PRRX1: variants seen among roughly 807,000 people sequenced by gnomAD.
PRRX1 encodes the protein paired mesoderm homeobox protein 1.
PRRX1 carries 8 observed loss-of-function variants against 24.0 expected under a neutral mutation model. The ratio of observed to expected loss-of-function variants is 0.33; its 90% CI spans 0.20 to 0.60. PRRX1 has a LOEUF of 0.60. PRRX1 is among the 20% of genes least tolerant of loss of function. PRRX1 has a pLI of 0.82. For missense variants in PRRX1, 281 were observed against 322.4 expected, an observed-to-expected ratio of 0.87 and a Z score of 0.98; for synonymous variants, 160 against 131.7, an observed-to-expected ratio of 1.22 and a Z score of -1.47.
chr1:170,666,301 C>A (rs1215279500), intron 1 of PRRX1, among the ~76,000 whole-genome samples: 1 of 150,782 alleles, frequency 6.6e-6, no homozygotes, highest in African/African-American at 2.4e-5. Flanking sequence ...GCCTGTAATC[C>A]CGGTTACTCA....
Position 170,736,433 on chromosome 1 carries a change from T to A in PRRX1, c.*247T>A, listed in dbSNP as rs1412219153. 1.8e-6 allele frequency: 1 copy of A among 544,526 alleles called. No individual in the cohort carries two copies. 33.7% of individuals were successfully genotyped at this position (544,526 alleles called of 1,614,324 possible). On this transcript the variant is annotated 3_prime_UTR_variant, in exon 4 of 4. Coordinates refer to ENST00000239461, the MANE Select transcript of PRRX1 (RefSeq NM_022716.4). ...GTTTCTGTGTGTGTTTATTTTGTTT[T>A]TCTTTCATTCATGCTTTGCTTAATG... is the stretch of plus-strand genomic sequence containing the variant.
intron 3 of PRRX1, 66 bp from the exon 4 acceptor site, chr1:170,735,982 C>A (rs1034296443): frequency 3.1e-6 from 5 of 1,599,398 alleles, no homozygotes; most frequent in Non-Finnish European, 4.3e-6. Context: ...CCATCTGGGG[C>A]ACAGACTTGC....
intron 1 of PRRX1, chr1:170,669,359 A>AT (rs540864913): frequency 2.3e-3 from 329 of 145,132 alleles, no homozygotes; most frequent in African/African-American, 8.1e-3. Flanking sequence ...GTCATTTTAG[A>AT]TTTTACAACA....
intron 1 of PRRX1, among the ~76,000 whole-genome samples, chr1:170,675,660 C>T (rs547621768): frequency 3.3e-5 from 5 of 152,070 alleles, no homozygotes; most frequent in Non-Finnish European, 5.9e-5. Context: ...TGAGCATCTA[C>T]AGCATTTCAG....
chr1:170,719,697 C>T (rs1655019014), intron 1 of PRRX1, 29 bp from the exon 2 acceptor site: 1 of 1,612,678 alleles, frequency 6.2e-7, no homozygotes, highest in Non-Finnish European at 8.5e-7. Flanking sequence ...GTGAATTTGG[C>T]TTCTTTTCAT....
chr1:170,706,390 A>G (rs1398386660), intron 1 of PRRX1, among the ~76,000 whole-genome samples: 1 of 152,206 alleles, frequency 6.6e-6, no homozygotes, highest in East Asian at 1.9e-4. Context: ...AGGAGTTTGT[A>G]ATTTAAAATT....
rs375991544 is a variant in PRRX1 at position 170,694,319 on chromosome 1, C to T, written c.242-25407C>T. 5.3e-5 allele frequency among the ~76,000 whole-genome samples: 8 copies of T among 152,178 alleles called. No individual in the cohort carries two copies. In the South Asian group the frequency reaches 6.2e-4, roughly 12 times the overall value. On this transcript the variant is annotated intron_variant, in intron 1 of 3. Transcript: ENST00000239461. The stretch of plus-strand genomic sequence containing the variant: ...ATCAAACCAAACCTATTCTGGGAGC[C>T]GAAATTCCTTCTCCAGTATTCCTGG...
chr1:170,703,878 C>A (rs1293537718), intron 1 of PRRX1, among the ~76,000 whole-genome samples: 1 of 152,080 alleles, frequency 6.6e-6, no homozygotes, highest in Non-Finnish European at 1.5e-5. Context: ...ACATAGAAAA[C>A]AAAGAAGACA....
intron 1 of PRRX1, among the ~76,000 whole-genome samples, chr1:170,716,509 A>G (rs1654912264): frequency 6.6e-6 from 1 of 151,656 alleles, no homozygotes; most frequent in African/African-American, 2.4e-5. Flanking sequence ...GTGTGAACCC[A>G]GGAGGCGGAG....
At chr1:170,670,591 C>G (rs556983444) in intron 1 of PRRX1, among the ~76,000 whole-genome samples, 1 of 152,098 alleles carries the variant, frequency 6.6e-6, no homozygotes, top group African/African-American at 2.4e-5. Context: ...AATGCGGCAG[C>G]CTCAGGGAAG....
chr1:170,665,603 T>C (rs966438528), intron 1 of PRRX1, among the ~76,000 whole-genome samples: 1 of 152,256 alleles, frequency 6.6e-6, no homozygotes, highest in Non-Finnish European at 1.5e-5. Context: ...CAGCATTCTA[T>C]GATTTTCACA....
At chr1:170,680,677 A>G (rs1276048953) in intron 1 of PRRX1, among the ~76,000 whole-genome samples, 2 of 152,232 alleles carry the variant, frequency 1.3e-5, no homozygotes, top group Non-Finnish European at 2.9e-5. Flanking sequence ...GTGTCATAAC[A>G]TCCCATAGTT....
At chr1:170,678,963 T>C (rs921274237) in intron 1 of PRRX1, among the ~76,000 whole-genome samples, 8 of 152,206 alleles carry the variant, frequency 5.3e-5, no homozygotes, top group African/African-American at 1.9e-4. Context: ...ATATGCATAT[T>C]AAATATCCCA....
At chr1:170,722,536 AT>A (rs1445628099) in intron 2 of PRRX1, 2 of 152,182 alleles carry the variant, frequency 1.3e-5, no homozygotes, top group Admixed American at 6.5e-5. Flanking sequence ...TCATAATATG[AT>A]TCCTACATCA....
At chr1:170,696,824 G>C (rs1014208588) in intron 1 of PRRX1, among the ~76,000 whole-genome samples, 5 of 152,150 alleles carry the variant, frequency 3.3e-5, no homozygotes, top group Non-Finnish European at 2.9e-5. Flanking sequence ...GGGCCTCACT[G>C]TATGAAAGCT....
At chr1:170,727,109 G>T (rs1571348607) in intron 3 of PRRX1, 1 of 152,150 alleles carries the variant, frequency 6.6e-6, no homozygotes, top group Non-Finnish European at 1.5e-5. Flanking sequence ...GTGCGTGTGT[G>T]TGTGTGTCTG....
chr1:170,727,516 T>C (rs1205586465), intron 3 of PRRX1: 9 of 152,238 alleles, frequency 5.9e-5, no homozygotes, highest in African/African-American at 2.2e-4. Flanking sequence ...TAGGAGATTA[T>C]GTCTCAGATG....
At chr1:170,720,770 A>G (rs1368252403) in intron 2 of PRRX1, among the ~76,000 whole-genome samples, 2 of 152,210 alleles carry the variant, frequency 1.3e-5, no homozygotes, top group Non-Finnish European at 2.9e-5. Flanking sequence ...AAAGAAGGTA[A>G]GAGCATGAAA....
At chr1:170,734,449 T>C (rs1655541996) in intron 3 of PRRX1, among the ~76,000 whole-genome samples, 1 of 152,124 alleles carries the variant, frequency 6.6e-6, no homozygotes, top group African/African-American at 2.4e-5. Context: ...GAAACAGTGA[T>C]AGATACTAAA....
Sources: gnomAD v4.1 joint callset for allele counts (sites outside exome capture counted in the v4.1 genomes callset) on GRCh38, gnomAD v4.1.1 for gene constraint, MANE v1.5 for transcripts, NCBI Gene and HGNC (gene_info 2026-07-23, HGNC 2026-07-21) for gene names.